Variants in SORCS1 observed in about 807,000 individuals in gnomAD.
The protein encoded by SORCS1 is sortilin related VPS10 domain containing receptor 1, also known as VPS10 domain-containing receptor SorCS1.
A neutral mutation model predicts 146.1 loss-of-function variants in SORCS1; 60 were observed. The ratio of observed to expected loss-of-function variants is 0.41; its 90% CI spans 0.33 to 0.51. The LOEUF is 0.51. SORCS1 is among the 20% of genes least tolerant of loss of function. SORCS1 has a pLI of 0.21. For synonymous variants in SORCS1, 637 were observed against 584.0 expected (o/e 1.09, Z -1.31); for missense variants, 1,352 against 1,487.6 (o/e 0.91, Z 1.50).
intron 2 of SORCS1, among the ~76,000 whole-genome samples, chr10:106,939,997 T>G (rs921572527): frequency 1.3e-5 from 2 of 152,182 alleles, no homozygotes; most frequent in Non-Finnish European, 2.9e-5. Context: ...CAGCACAAGG[T>G]GCAGCCCTTG....
intron 1 of SORCS1, among the ~76,000 whole-genome samples, chr10:106,975,509 T>C (rs1955955010): frequency 1.3e-5 from 2 of 152,180 alleles, no homozygotes; most frequent in South Asian, 4.1e-4. Flanking sequence ...CAACTAACTA[T>C]TGAAGGTTTA....
chr10:107,092,057 T>C (rs1292053554), intron 1 of SORCS1, among the ~76,000 whole-genome samples: 1 of 152,212 alleles, frequency 6.6e-6, no homozygotes, highest in Non-Finnish European at 1.5e-5. Flanking sequence ...TTTAAGAATA[T>C]TGAAAGTTGA....
At chr10:107,063,166 AATGGGT>A (rs1564989103) in intron 1 of SORCS1, among the ~76,000 whole-genome samples, 1 of 152,160 alleles carries the variant, frequency 6.6e-6, no homozygotes, top group African/African-American at 2.4e-5. Context: ...TATAAAAGTA[AATGGGT>A]ATGGGTATGG....
chr10:106,581,559 TG>T (rs1361080590), intron 24 of SORCS1, among the ~76,000 whole-genome samples: 1 of 152,000 alleles, frequency 6.6e-6, no homozygotes, highest in African/African-American at 2.4e-5. Context: ...TATATGCATA[TG>T]TGTATATATA....
At chr10:107,016,452 A>G (rs1302765997) in intron 1 of SORCS1, among the ~76,000 whole-genome samples, 1 of 152,112 alleles carries the variant, frequency 6.6e-6, no homozygotes, top group Non-Finnish European at 1.5e-5. Context: ...CTGCAGTGAG[A>G]TGAGATTGTG....
intron 2 of SORCS1, among the ~76,000 whole-genome samples, chr10:106,923,512 T>C (rs1036714056): frequency 2.0e-5 from 3 of 152,170 alleles, no homozygotes; most frequent in Non-Finnish European, 2.9e-5. Flanking sequence ...ACAGTAAGAT[T>C]ATGTTTAGTT....
At chr10:107,098,194 T>G (rs1250914169) in intron 1 of SORCS1, among the ~76,000 whole-genome samples, 1 of 152,210 alleles carries the variant, frequency 6.6e-6, no homozygotes, top group African/African-American at 2.4e-5. Flanking sequence ...AGTAGGTTAT[T>G]ATGATGTTTC....
chr10:107,022,204 T>C (rs754426698), intron 1 of SORCS1, among the ~76,000 whole-genome samples: 5 of 152,160 alleles, frequency 3.3e-5, no homozygotes, highest in Non-Finnish European at 7.4e-5. Flanking sequence ...TGGGCATCTC[T>C]TCTCTCTTCT....
chr10:107,152,175 C>G (rs961329196), intron 1 of SORCS1, among the ~76,000 whole-genome samples: 1 of 152,088 alleles, frequency 6.6e-6, no homozygotes, highest in Non-Finnish European at 1.5e-5. Context: ...TGGTGTTAGC[C>G]CTGTGGGTGT....
intron 3 of SORCS1, among the ~76,000 whole-genome samples, chr10:106,822,802 T>TTTTTTTTG (rs994708912): frequency 2.1e-5 from 3 of 140,114 alleles, no homozygotes; most frequent in African/African-American, 8.5e-5. Flanking sequence ...TTTTTTTTTT[T>TTTTTTTTG]GAATATTGCT....
At chr10:106,771,567 T>C (rs562894672) in intron 4 of SORCS1, among the ~76,000 whole-genome samples, 4 of 152,310 alleles carry the variant, frequency 2.6e-5, no homozygotes, top group African/African-American at 9.6e-5. Flanking sequence ...TTGCCTACTG[T>C]TTAAATTATA....
At chr10:107,158,961 T>C (rs769723737) in intron 1 of SORCS1, among the ~76,000 whole-genome samples, 17 of 151,150 alleles carry the variant, frequency 1.1e-4, no homozygotes, top group Non-Finnish European at 2.4e-4. Context: ...GAAAATCTCA[T>C]TAAATAACTA....
intron 1 of SORCS1, among the ~76,000 whole-genome samples, chr10:107,028,330 CAG>C (rs909497753): frequency 4.6e-5 from 7 of 152,140 alleles, no homozygotes; most frequent in Admixed American, 3.9e-4. Flanking sequence ...CATCAGGGAA[CAG>C]AAAGAGGCTC....
intron 2 of SORCS1, among the ~76,000 whole-genome samples, chr10:106,855,518 T>C (rs1949752613): frequency 6.6e-6 from 1 of 152,312 alleles, no homozygotes; most frequent in African/African-American, 2.4e-5. Flanking sequence ...ATTCCCACTA[T>C]ACATATATTA....
chr10:106,800,955 T>C (rs147699461), intron 3 of SORCS1, among the ~76,000 whole-genome samples: 1 of 152,302 alleles, frequency 6.6e-6, no homozygotes, highest in African/African-American at 2.4e-5. Flanking sequence ...TATCCCCAGA[T>C]CAATTCTACT....
At chr10:106,752,898 A>G (rs566242365) in intron 5 of SORCS1, among the ~76,000 whole-genome samples, 164 of 152,294 alleles carry the variant, frequency 1.1e-3, no homozygotes, top group Non-Finnish European at 2.0e-3. Context: ...TCACACTGGG[A>G]TATGAGGAAT....
chr10:106,977,366 C>T (rs977514894), intron 1 of SORCS1, among the ~76,000 whole-genome samples: 1 of 152,134 alleles, frequency 6.6e-6, no homozygotes, highest in African/African-American at 2.4e-5. Context: ...CCTTTGCCCA[C>T]TTTTTGATGG....
Position 107,100,842 on chromosome 10 carries a change from C to T in SORCS1, c.558+63127G>A, listed in dbSNP as rs1227622304. On this transcript the variant is annotated intron_variant, in intron 1 of 25. Coordinates refer to ENST00000263054, the MANE Select transcript of SORCS1 (RefSeq NM_052918.5). ...TCTTAATGTTACTTTACACTTCTCCCTCTTTGAGAAAATAATAATTCTTTC... is the reference window on the plus strand; with the variant it reads ...TCTTAATGTTACTTTACACTTCTCCTTCTTTGAGAAAATAATAATTCTTTC... 2.6e-5 allele frequency among the ~76,000 whole-genome samples: 4 copies of T among 151,834 alleles called. No individual in the cohort carries two copies. The East Asian group carries it at 5.8e-4, about 22-fold the overall frequency.
chr10:106,579,089 A>G (rs1844739229), intron 25 of SORCS1: 5 of 1,613,742 alleles, frequency 3.1e-6, no homozygotes, highest in Non-Finnish European at 4.2e-6. Flanking sequence ...GGAATCATTT[A>G]CCTATGAGCT....
Sources: gnomAD v4.1 joint callset for allele counts (sites outside exome capture counted in the v4.1 genomes callset) on GRCh38, gnomAD v4.1.1 for gene constraint, MANE v1.5 for transcripts, NCBI Gene and HGNC (gene_info 2026-07-23, HGNC 2026-07-21) for gene names.